RTF2: variants seen among roughly 807,000 people sequenced by gnomAD.
RTF2 encodes replication termination factor 2.
RTF2 carries 18 observed loss-of-function variants against 38.0 expected under a neutral mutation model. The observed-to-expected ratio is 0.47, with a 90% CI of 0.33 to 0.70. RTF2 has a LOEUF of 0.70. RTF2 is among the 30% of genes least tolerant of loss of function. RTF2 has a pLI of 0.02. For synonymous variants in RTF2, 126 were observed against 137.1 expected, an observed-to-expected ratio of 0.92 and a Z score of 0.57; for missense variants, 311 against 379.6, an observed-to-expected ratio of 0.82 and a Z score of 1.50.
At chr20:56,478,617 T>G (rs982112290) in intron 4 of RTF2, among the ~76,000 whole-genome samples, 1 of 152,210 alleles carries the variant, frequency 6.6e-6, no homozygotes, top group African/African-American at 2.4e-5. Flanking sequence ...CACCTGAACC[T>G]TCAGCGAGTC....
At chr20:56,468,863 C>T in intron 1 of RTF2, 97 bp downstream of exon 1, 1 of 978,496 alleles carries the variant, frequency 1.0e-6, no homozygotes, top group Non-Finnish European at 1.6e-6. Context: ...CAGCGGAGTT[C>T]CAGACCTGGC....
At chr20:56,491,793 G>GAA (rs1248346001) in intron 5 of RTF2, 1 of 1,544,128 alleles carries the variant, frequency 6.5e-7, no homozygotes, top group Non-Finnish European at 8.8e-7. Context: ...CCTGCAGAAA[G>GAA]AAACACAAAA....
intron 1 of RTF2, chr20:56,472,467 C>A: frequency 9.5e-7 from 1 of 1,048,638 alleles, no homozygotes; most frequent in Non-Finnish European, 1.4e-6. Context: ...TCTGGATTTT[C>A]ATACTGGGGA....
chr20:56,509,111 T>G (rs936900689), intron 5 of RTF2, among the ~76,000 whole-genome samples: 2 of 152,174 alleles, frequency 1.3e-5, no homozygotes, highest in African/African-American at 4.8e-5. Flanking sequence ...ATCCAGAATA[T>G]GCTGTATAAA....
chr20:56,513,282 T>C (rs1419359974), intron 5 of RTF2, 33 bp from the exon 6 acceptor site: 4 of 1,564,858 alleles, frequency 2.6e-6, no homozygotes, highest in Non-Finnish European at 3.5e-6. Flanking sequence ...TGACTGGTGA[T>C]GGAATCTGCC....
chr20:56,497,082 G>T (rs1257472983), intron 5 of RTF2: 1 of 1,551,714 alleles, frequency 6.4e-7, no homozygotes. Flanking sequence ...TGTAAAGCCA[G>T]CATAAGCCAC....
intron 4 of RTF2, among the ~76,000 whole-genome samples, chr20:56,479,098 C>CT (rs1982398614): frequency 6.6e-6 from 1 of 152,222 alleles, no homozygotes; most frequent in South Asian, 2.1e-4. Flanking sequence ...ATTTGCGTTA[C>CT]TTCCTCCACT....
chr20:56,481,061 T>C (rs960384369), intron 4 of RTF2, among the ~76,000 whole-genome samples: 19 of 152,146 alleles, frequency 1.2e-4, no homozygotes, highest in African/African-American at 4.6e-4. Context: ...ATAATCACAA[T>C]ATCTGCAAAG....
At chr20:56,478,074 C>T (rs2146320606) in intron 4 of RTF2, among the ~76,000 whole-genome samples, 1 of 152,274 alleles carries the variant, frequency 6.6e-6, no homozygotes, top group East Asian at 1.9e-4. Context: ...GCCCTTTCCC[C>T]CACTTTTGAG....
Position 56,515,841 on chromosome 20 carries a change from T to G in RTF2, c.592-1094T>G, listed in dbSNP as rs1985012222. The stretch of plus-strand genomic sequence containing the variant: ...ACATGCTCCTCTCTGCAAAATATTC[T>G]CCAGAGCTTCTGGGAATACCTCATA... On this transcript the variant is annotated intron_variant, in intron 6 of 8. Transcript: ENST00000357348. The G allele has an allele frequency of 2.6e-5, 4 of 152,358 alleles. No individual in the cohort carries two copies. The South Asian group carries it at 8.3e-4, about 32-fold the overall frequency. 9.4% of individuals were successfully genotyped at this position (152,358 alleles called of 1,614,324 possible).
At chr20:56,497,196 T>C (rs1404172022) in intron 5 of RTF2, 2 of 1,551,542 alleles carry the variant, frequency 1.3e-6, no homozygotes, top group Admixed American at 2.0e-5. Context: ...ATGAATACAA[T>C]AAACATTTTG....
At chr20:56,512,208 CA>C (rs1984719638) in intron 5 of RTF2, among the ~76,000 whole-genome samples, 1 of 152,128 alleles carries the variant, frequency 6.6e-6, no homozygotes, top group South Asian at 2.1e-4. Flanking sequence ...TGGCCTGAGC[CA>C]GGTGGCCTAG....
intron 5 of RTF2, among the ~76,000 whole-genome samples, chr20:56,506,186 C>G (rs1291559179): frequency 1.3e-5 from 2 of 152,142 alleles, no homozygotes; most frequent in Non-Finnish European, 2.9e-5. Context: ...TGGGCAGAAC[C>G]CTAGGCTCCT....
intron 5 of RTF2, among the ~76,000 whole-genome samples, chr20:56,510,372 T>G (rs1408761029): frequency 6.6e-6 from 1 of 152,190 alleles, no homozygotes; most frequent in Non-Finnish European, 1.5e-5. Flanking sequence ...AGATAGAACA[T>G]GATTTCTGCT....
intron 4 of RTF2, among the ~76,000 whole-genome samples, chr20:56,483,581 GACCTCCC>G: frequency 6.6e-6 from 1 of 151,944 alleles, no homozygotes; most frequent in African/African-American, 2.4e-5. Flanking sequence ...CTCCCATTTT[GACCTCCC>G]AAAGCACTGG....
intron 5 of RTF2, among the ~76,000 whole-genome samples, chr20:56,489,542 T>C (rs1458057954): frequency 6.6e-6 from 1 of 152,154 alleles, no homozygotes; most frequent in Admixed American, 6.6e-5. Context: ...CTTTCCCAGC[T>C]GTGTGGTCCC....
intron 5 of RTF2, among the ~76,000 whole-genome samples, chr20:56,501,414 C>T (rs546443654): frequency 2.6e-5 from 4 of 152,154 alleles, no homozygotes; most frequent in South Asian, 2.1e-4. Flanking sequence ...TTTGTAAGTG[C>T]GGGGAATATG....
rs1297093536 is a variant in RTF2 at position 56,491,488 on chromosome 20, C to T, written c.477+7299C>T. 3.5e-5 allele frequency: 34 copies of T among 959,078 alleles called. No homozygotes were observed. The Admixed American group carries it at 7.3e-4, about 21-fold the overall frequency. 59.4% of individuals were successfully genotyped at this position (959,078 alleles called of 1,614,324 possible). A position where few individuals can be genotyped will look rare whatever the true frequency, so the allele number is the denominator to read the frequency against. ...GTATCAAGGAATCATTTTCCCACTTCTTTGGTTCAATGTTCTCTTGTTTCA... is the reference window on the plus strand; with the variant it reads ...GTATCAAGGAATCATTTTCCCACTTTTTTGGTTCAATGTTCTCTTGTTTCA... On this transcript the variant is annotated intron_variant, in intron 5 of 8. Coordinates refer to ENST00000357348, the MANE Select transcript of RTF2 (RefSeq NM_016407.5).
At chr20:56,487,726 C>T (rs1982870116) in intron 5 of RTF2, among the ~76,000 whole-genome samples, 1 of 152,202 alleles carries the variant, frequency 6.6e-6, no homozygotes, top group South Asian at 2.1e-4. Flanking sequence ...TCTTATAGTT[C>T]TGGAGACTAA....
Sources: gnomAD v4.1 joint callset for allele counts (sites outside exome capture counted in the v4.1 genomes callset) on GRCh38, gnomAD v4.1.1 for gene constraint, MANE v1.5 for transcripts, NCBI Gene and HGNC (gene_info 2026-07-23, HGNC 2026-07-21) for gene names.